The following DNAJB4 variants were observed in gnomAD, a reference collection of about 807,000 sequenced individuals.
The protein encoded by DNAJB4 is dnaJ homolog subfamily B member 4.
A neutral mutation model predicts 26.6 loss-of-function variants in DNAJB4; 10 were observed. The observed-to-expected ratio is 0.38, with a 90% CI of 0.23 to 0.64. The LOEUF is 0.64. Ranked by LOEUF, DNAJB4 falls within the 30% of genes least tolerant of loss-of-function variation. DNAJB4 has a pLI of 0.58. For synonymous variants in DNAJB4, 136 were observed against 134.8 expected (o/e 1.01, Z -0.06); for missense variants, 328 against 408.2 (o/e 0.80, Z 1.69).
chr1:77,988,367 G>A (rs1168117543), intron 1 of DNAJB4, among the ~76,000 whole-genome samples: 1 of 152,118 alleles, frequency 6.6e-6, no homozygotes, highest in African/African-American at 2.4e-5. Context: ...TTCCCACGCT[G>A]TTAAGAATCA....
chr1:78,002,933 A>G (rs1456381277), upstream of DNAJB4, among the ~76,000 whole-genome samples: 1 of 152,132 alleles, frequency 6.6e-6, no homozygotes, highest in Non-Finnish European at 1.5e-5. Flanking sequence ...CACAAATATG[A>G]AAGACCCGGT....
chr1:77,991,495 C>G (rs975085262), intron 1 of DNAJB4, among the ~76,000 whole-genome samples: 1 of 152,040 alleles, frequency 6.6e-6, no homozygotes, highest in Non-Finnish European at 1.5e-5. Flanking sequence ...ATCTGTAATC[C>G]CACCACCTTG....
At chr1:77,989,367 T>G (rs1571425696) in intron 1 of DNAJB4, among the ~76,000 whole-genome samples, 1 of 152,362 alleles carries the variant, frequency 6.6e-6, no homozygotes, top group East Asian at 1.9e-4. Flanking sequence ...CTGGACTATC[T>G]TAAAACCTCT....
At chr1:77,983,094 A>C (rs970250878) in intron 1 of DNAJB4, among the ~76,000 whole-genome samples, 3 of 152,250 alleles carry the variant, frequency 2.0e-5, no homozygotes, top group Non-Finnish European at 2.9e-5. Context: ...TGTCAGGGTC[A>C]CAAGACAATT....
chr1:77,990,112 T>G (rs920709558), intron 1 of DNAJB4, among the ~76,000 whole-genome samples: 2 of 152,204 alleles, frequency 1.3e-5, no homozygotes, highest in African/African-American at 4.8e-5. Flanking sequence ...ATTACTCTAT[T>G]TCTGGGAGAA....
chr1:78,017,711 C>T lies in DNAJB4; in HGVS notation c.*1464C>T, dbSNP rs938490561. On this transcript the variant is annotated 3_prime_UTR_variant, in exon 3 of 3. Transcript: ENST00000370763. ...GAAAACACTACCATCTACTTTTCAT[C>T]TGTATGGATTTGTCTGTTCTGGACA... 3 of 151,304 alleles carry T rather than the reference C, an allele frequency of 2.0e-5. No homozygotes were observed. The highest frequency in any genetic ancestry group is 7.3e-5 in the African/African-American group (3 of 41,158). 9.4% of individuals were successfully genotyped at this position (151,304 alleles called of 1,614,324 possible).
rs187459412 is a variant in DNAJB4, at chr1:77,989,280, T to C, written c.-32+8958T>C. Among the ~76,000 whole-genome samples the C allele has an allele frequency of 2.2e-3, 329 of 152,370 alleles. 1 individual carries two copies. The highest frequency in any genetic ancestry group is 7.3e-3 in the African/African-American group (303 of 41,590). The stretch of plus-strand genomic sequence containing the variant: ...ATCAAATTTTATCTTCTTTGAGATG[T>C]CATTTAAGCAATTATTTCTTTTATT... On this transcript the variant is annotated intron_variant, in intron 1 of 2. Coordinates refer to the DNAJB4 transcript ENST00000426517.
At chr1:78,012,414 G>T (rs1317606952) in intron 1 of DNAJB4, among the ~76,000 whole-genome samples, 1 of 150,932 alleles carries the variant, frequency 6.6e-6, no homozygotes, top group Non-Finnish European at 1.5e-5. Flanking sequence ...TGCTTGCCTC[G>T]GCCTCCCAAA....
intron 1 of DNAJB4, among the ~76,000 whole-genome samples, chr1:78,011,284 G>GCTC (rs1660465290): frequency 6.6e-6 from 1 of 152,096 alleles, no homozygotes; most frequent in African/African-American, 2.4e-5. Flanking sequence ...AACCCATATA[G>GCTC]AGGCCTTACG....
intron 1 of DNAJB4, among the ~76,000 whole-genome samples, chr1:77,996,072 CAAA>C (rs1660054340): frequency 6.6e-6 from 1 of 152,144 alleles, no homozygotes; most frequent in Non-Finnish European, 1.5e-5. Context: ...AAGAGGGTAA[CAAA>C]GAAGGGCTAG....
chr1:77,987,538 T>G (rs1031045041), intron 1 of DNAJB4, among the ~76,000 whole-genome samples: 2 of 152,220 alleles, frequency 1.3e-5, no homozygotes, highest in South Asian at 2.1e-4. Flanking sequence ...GTGCTGAGTT[T>G]GAGCCACTGT....
At chr1:77,981,168 T>C (rs1014523382) in intron 1 of DNAJB4, 1 of 151,396 alleles carries the variant, frequency 6.6e-6, no homozygotes, top group Non-Finnish European at 1.5e-5. Context: ...CTCAATTTTT[T>C]TTTTTTTTTT....
At chr1:78,003,642 C>G (rs1571438828), upstream of DNAJB4, among the ~76,000 whole-genome samples, 1 of 152,010 alleles carries the variant, frequency 6.6e-6, no homozygotes, top group Non-Finnish European at 1.5e-5. Context: ...TCTGACTTTT[C>G]TTATTTATCT....
At chr1:77,991,852 C>T (rs1659938697) in intron 1 of DNAJB4, among the ~76,000 whole-genome samples, 1 of 152,142 alleles carries the variant, frequency 6.6e-6, no homozygotes, top group Non-Finnish European at 1.5e-5. Context: ...AAGCTTCATT[C>T]AGGCATGAGT....
At chr1:77,993,058 T>C (rs1659974743) in intron 1 of DNAJB4, among the ~76,000 whole-genome samples, 1 of 152,162 alleles carries the variant, frequency 6.6e-6, no homozygotes, top group Non-Finnish European at 1.5e-5. Flanking sequence ...ACTATAGTTT[T>C]TAAAGTTTGC....
At chr1:78,000,741 T>G (rs534221066), upstream of DNAJB4, among the ~76,000 whole-genome samples, 1 of 152,260 alleles carries the variant, frequency 6.6e-6, no homozygotes, top group East Asian at 1.9e-4. Flanking sequence ...TCCAGCACTT[T>G]GGGAGGCCAA....
rs1445438118 is a variant in DNAJB4, at chr1:78,017,129, C to T, written c.*882C>T. On this transcript the variant is annotated 3_prime_UTR_variant, in exon 3 of 3. Coordinates refer to ENST00000370763, the MANE Select transcript of DNAJB4 (RefSeq NM_007034.5). ...TTCTATATGTACTTTATGTAATTTCCCTAAAAAGAATGAACTACCACTACA... is the reference window on the plus strand; with the variant it reads ...TTCTATATGTACTTTATGTAATTTCTCTAAAAAGAATGAACTACCACTACA... The T allele has an allele frequency of 6.6e-6, 1 of 151,724 alleles. No homozygotes were observed. Among genetic ancestry groups the T allele is most frequent in the African/African-American group, 2.4e-5 (1 of 41,326 alleles). 9.4% of individuals were successfully genotyped at this position (151,724 alleles called of 1,614,324 possible). A position where few individuals can be genotyped will look rare whatever the true frequency, so the allele number is the denominator to read the frequency against.
At chr1:77,981,305 G>C (rs1659636178) in intron 1 of DNAJB4, 1 of 150,946 alleles carries the variant, frequency 6.6e-6, no homozygotes, top group Non-Finnish European at 1.5e-5. Context: ...GATCACAGGT[G>C]TGCACCACTA....
chr1:78,001,480 T>A (rs1660193742), upstream of DNAJB4, among the ~76,000 whole-genome samples: 1 of 152,214 alleles, frequency 6.6e-6, no homozygotes, highest in Admixed American at 6.5e-5. Flanking sequence ...ATCTGAATTT[T>A]GATGTAATTT....
Sources: gnomAD v4.1 joint callset for allele counts (sites outside exome capture counted in the v4.1 genomes callset) on GRCh38, gnomAD v4.1.1 for gene constraint, MANE v1.5 for transcripts, NCBI Gene and HGNC (gene_info 2026-07-23, HGNC 2026-07-21) for gene names.